TTC28: variants seen among roughly 807,000 people sequenced by gnomAD.
TTC28 encodes tetratricopeptide repeat protein 28.
TTC28 carries 61 observed loss-of-function variants against 198.0 expected under a neutral mutation model. The observed-to-expected ratio is 0.31, with a 90% CI of 0.25 to 0.38. The LOEUF is 0.38. Among genes scored for constraint, TTC28 ranks in the 10% least tolerant of loss-of-function variants. The pLI, the probability that TTC28 is intolerant of heterozygous loss-of-function variation, is 1.00. For missense variants in TTC28, 2,678 were observed against 3,164.0 expected, an observed-to-expected ratio of 0.85 and a Z score of 3.69; for synonymous variants, 1,171 against 1,297.8, an observed-to-expected ratio of 0.90 and a Z score of 2.10.
chr22:28,514,302 T>C (rs974558772), intron 2 of TTC28, among the ~76,000 whole-genome samples: 3 of 152,350 alleles, frequency 2.0e-5, no homozygotes, highest in African/African-American at 7.2e-5. Context: ...TGATTAGCAG[T>C]ACGAGTCTCT....
rs573547584 is a variant in TTC28 at position 28,208,337 on chromosome 22, C to A, written c.934-44738G>T. ...AAACTCTACACTGCATTAGTCTCTT[C>A]ATCCATATAGTATGCAACTAAAAGA... On this transcript the variant is annotated intron_variant, in intron 5 of 22. Coordinates refer to ENST00000397906, the MANE Select transcript of TTC28 (RefSeq NM_001145418.2). 2.6e-5 allele frequency among the ~76,000 whole-genome samples: 4 copies of A among 152,270 alleles called. No individual in the cohort carries two copies. In the South Asian group the frequency reaches 8.3e-4, roughly 32 times the overall value.
intron 2 of TTC28, among the ~76,000 whole-genome samples, chr22:28,611,286 A>C (rs1293624231): frequency 6.6e-6 from 1 of 152,142 alleles, no homozygotes; most frequent in Non-Finnish European, 1.5e-5. Flanking sequence ...GGTTGAAATG[A>C]AGGAAAAAAT....
chr22:28,609,795 T>G (rs1252670982), intron 2 of TTC28, among the ~76,000 whole-genome samples: 3 of 152,082 alleles, frequency 2.0e-5, no homozygotes, highest in African/African-American at 4.8e-5. Flanking sequence ...TCTGGCTTGG[T>G]GGGTTCCACC....
intron 5 of TTC28, among the ~76,000 whole-genome samples, chr22:28,256,495 A>G (rs1028525478): frequency 9.9e-5 from 15 of 152,060 alleles, no homozygotes; most frequent in African/African-American, 3.6e-4. Context: ...AGATTAATGT[A>G]AGAGTTAAAG....
chr22:28,493,535 T>C (rs1482300908), intron 2 of TTC28, among the ~76,000 whole-genome samples: 1 of 152,210 alleles, frequency 6.6e-6, no homozygotes, highest in Non-Finnish European at 1.5e-5. Context: ...GTAGATGTTT[T>C]CCATCTAATA....
chr22:28,210,894 C>T (rs1002971701), intron 5 of TTC28, among the ~76,000 whole-genome samples: 3 of 152,090 alleles, frequency 2.0e-5, no homozygotes, highest in African/African-American at 7.2e-5. Context: ...AGAGAAAGGT[C>T]GGGTTATCCA....
chr22:28,421,510 TTTCCATATATGTATTAGTAATAA>T (rs1357063796), intron 2 of TTC28, among the ~76,000 whole-genome samples: 5 of 152,222 alleles, frequency 3.3e-5, no homozygotes, highest in Non-Finnish European at 7.3e-5. Flanking sequence ...GAATGTTGTC[TTTCCATATATGTATTAGTAATAA>T]TTATCAATTA....
At position 28,436,432 on chromosome 22, in the gene TTC28, T is replaced by C. The variant is rs147127580; in HGVS notation, c.382-129789A>G. Among the ~76,000 whole-genome samples, 1,068 of 152,280 alleles carry C rather than the reference T, an allele frequency of 7.0e-3. 13 individuals carry two copies. Among genetic ancestry groups the C allele is most frequent in the African/African-American group, 0.025 (1,031 of 41,564 alleles). ...ATAAAAATATAGTCAAAGGAGGGTA[T>C]GGCCATCTATGCCTGGCAATAGAAG... On this transcript the variant is annotated intron_variant, in intron 2 of 22. Coordinates refer to ENST00000397906, the MANE Select transcript of TTC28 (RefSeq NM_001145418.2).
intron 2 of TTC28, among the ~76,000 whole-genome samples, chr22:28,345,020 A>G (rs1240461202): frequency 6.6e-6 from 1 of 152,168 alleles, no homozygotes; most frequent in African/African-American, 2.4e-5. Flanking sequence ...CACATTTCTT[A>G]AGCAACTGAG....
At chr22:28,252,946 T>C (rs1013629700) in intron 5 of TTC28, among the ~76,000 whole-genome samples, 1 of 152,190 alleles carries the variant, frequency 6.6e-6, no homozygotes, top group Non-Finnish European at 1.5e-5. Flanking sequence ...TACTCCAGTA[T>C]TCACTCAACT....
intron 6 of TTC28, among the ~76,000 whole-genome samples, chr22:28,133,052 G>A (rs1378771318): frequency 5.3e-5 from 8 of 152,114 alleles, no homozygotes; most frequent in African/African-American, 1.7e-4. Context: ...GTGAAACCCC[G>A]TCTCTACAAA....
intron 12 of TTC28, among the ~76,000 whole-genome samples, chr22:28,086,473 A>C (rs139464578): frequency 0.04 from 6,123 of 152,192 alleles, 416 homozygotes; most frequent in African/African-American, 0.14. Flanking sequence ...AATGAGAACA[A>C]AGACACAACA....
chr22:28,141,022 TTTA>T (rs1943319233), intron 6 of TTC28, among the ~76,000 whole-genome samples: 1 of 150,928 alleles, frequency 6.6e-6, no homozygotes, highest in Non-Finnish European at 1.5e-5. Context: ...ACAAGCAGGT[TTTA>T]TTAACTGTAC....
At chr22:28,168,876 T>G (rs1746698094) in intron 5 of TTC28, among the ~76,000 whole-genome samples, 1 of 151,792 alleles carries the variant, frequency 6.6e-6, no homozygotes, top group African/African-American at 2.4e-5. Flanking sequence ...ACCATCAGAG[T>G]GAACAGGCAC....
chr22:28,576,035 A>G (rs561507830), intron 2 of TTC28, among the ~76,000 whole-genome samples: 10 of 152,214 alleles, frequency 6.6e-5, no homozygotes, highest in South Asian at 2.1e-4. Context: ...ACTATGATGA[A>G]TAACAGTGGT....
intron 5 of TTC28, among the ~76,000 whole-genome samples, chr22:28,191,228 C>A (rs1042701320): frequency 1.3e-5 from 2 of 152,152 alleles, no homozygotes; most frequent in Non-Finnish European, 2.9e-5. Context: ...GCTAAAGGTG[C>A]CTTCAAAAAT....
chr22:28,423,927 T>C (rs910092450), intron 2 of TTC28, among the ~76,000 whole-genome samples: 7 of 152,212 alleles, frequency 4.6e-5, no homozygotes, highest in Non-Finnish European at 7.3e-5. Flanking sequence ...ATGCTACATC[T>C]GCAAAGGCCA....
intron 8 of TTC28, among the ~76,000 whole-genome samples, chr22:28,104,571 G>C (rs574592102): frequency 2.2e-4 from 33 of 152,308 alleles, no homozygotes; most frequent in African/African-American, 7.9e-4. Context: ...TCAATGTAAA[G>C]AGGTGGAGGG....
chr22:28,085,635 T>C (rs543716486), intron 12 of TTC28, among the ~76,000 whole-genome samples: 3 of 152,242 alleles, frequency 2.0e-5, no homozygotes, highest in Admixed American at 1.3e-4. Flanking sequence ...AACATCATAA[T>C]GACAGGATCA....
Sources: gnomAD v4.1 joint callset for allele counts (sites outside exome capture counted in the v4.1 genomes callset) on GRCh38, gnomAD v4.1.1 for gene constraint, MANE v1.5 for transcripts, NCBI Gene and HGNC (gene_info 2026-07-23, HGNC 2026-07-21) for gene names.